ADGRB1: variants seen among roughly 807,000 people sequenced by gnomAD.
The protein encoded by ADGRB1 is brain-specific angiogenesis inhibitor 1.
A neutral mutation model predicts 175.7 loss-of-function variants in ADGRB1; 36 were observed. The ratio of observed to expected loss-of-function variants is 0.20; its 90% CI spans 0.16 to 0.27. The LOEUF (loss-of-function observed/expected upper bound fraction) is 0.27. Among genes scored for constraint, ADGRB1 ranks in the 10% least tolerant of loss-of-function variants. ADGRB1 has a pLI of 1.00. For synonymous variants in ADGRB1, 1,054 were observed against 979.4 expected, an observed-to-expected ratio of 1.08 and a Z score of -1.42; for missense variants, 1,731 against 2,255.3, an observed-to-expected ratio of 0.77 and a Z score of 4.71.
At chr8:142,476,746 G>A (rs909275560) in intron 4 of ADGRB1, 51 bp downstream of exon 4, 4 of 1,463,850 alleles carry the variant, frequency 2.7e-6, no homozygotes, top group Non-Finnish European at 3.7e-6. Context: ...GGAAAATACT[G>A]TAAGTTATCA....
At chr8:142,520,765 C>A in intron 19 of ADGRB1, 58 bp from the exon 20 acceptor site, 2 of 1,464,604 alleles carry the variant, frequency 1.4e-6, no homozygotes, top group Non-Finnish European at 1.9e-6. Context: ...AGGACCACAG[C>A]CCCTGTGCAG....
At chr8:142,544,178 C>T (rs1234625082) in intron 30 of ADGRB1, 42 bp from the exon 31 acceptor site, 3 of 1,539,552 alleles carry the variant, frequency 1.9e-6, no homozygotes, top group Non-Finnish European at 2.6e-6. Flanking sequence ...CATGGCTCTC[C>T]CTCCGGGCCC....
intron 2 of ADGRB1, among the ~76,000 whole-genome samples, chr8:142,468,274 C>T (rs1194623207): frequency 3.9e-5 from 6 of 152,070 alleles, no homozygotes; most frequent in Middle Eastern, 3.4e-3. Context: ...CATGCATGCA[C>T]GGTGTGAATG....
At chr8:142,494,573 T>A (rs1235717616) in intron 17 of ADGRB1, among the ~76,000 whole-genome samples, 1 of 152,082 alleles carries the variant, frequency 6.6e-6, no homozygotes, top group South Asian at 2.1e-4. Flanking sequence ...GCAAGTCACC[T>A]GCCTGCCTCA....
Position 142,477,131 on chromosome 8 carries a change from G to C in ADGRB1, c.1075G>C (p.Glu359Gln). The C allele has an allele frequency of 6.3e-7, 1 of 1,582,970 alleles. No homozygotes were observed. The highest frequency in any genetic ancestry group is 8.5e-7 in the Non-Finnish European group (1 of 1,170,940). The change falls in exon 5 of 31, where the codon GAG becomes CAG. Residue 359 changes from glutamate to glutamine, a missense_variant. This residue lies in a region of ADGRB1 where 178 missense variants were observed against 227.8 expected (regional missense o/e 0.78). Transcript: ENST00000517894. ...GCCTGCAGGTGACCCAGCAGCCGAG[G>C]AGTGGTCCCCGTGGAGCGTGTGCTC... ...APQTGDPAAE[E>Q]WSPWSVCSST...
At position 142,449,836 on chromosome 8, in the gene ADGRB1, GTCCGCAGCGCGGGCATCCGGACCC is replaced by G. The variant is rs889387949; in HGVS notation, c.-483_-460del. 5.5e-5 allele frequency: 8 copies of G among 146,562 alleles called. No individual in the cohort carries two copies. The highest frequency in any genetic ancestry group is 7.6e-5 in the Non-Finnish European group (5 of 65,870). 9.1% of individuals were successfully genotyped at this position (146,562 alleles called of 1,614,324 possible). ...CGGCCCGGGCCCGCGCGCCAGCATCGTCCGCAGCGCGGGCATCCGGACCCTCCGGGCGCCCGGGGGGCTCCAGCA... is the reference window on the plus strand; with the variant it reads ...CGGCCCGGGCCCGCGCGCCAGCATCGTCCGGGCGCCCGGGGGGCTCCAGCA... On this transcript the variant is annotated 5_prime_UTR_variant, in exon 1 of 31. Coordinates refer to ENST00000517894, the MANE Select transcript of ADGRB1 (RefSeq NM_001702.3).
At chr8:142,514,155 C>T (rs1843273939) in intron 18 of ADGRB1, among the ~76,000 whole-genome samples, 1 of 152,000 alleles carries the variant, frequency 6.6e-6, no homozygotes, top group African/African-American at 2.4e-5. Flanking sequence ...TCTGAGTGGG[C>T]AGAGGCTGTG....
At chr8:142,530,900 G>A (rs1012008151) in intron 24 of ADGRB1, among the ~76,000 whole-genome samples, 9 of 152,218 alleles carry the variant, frequency 5.9e-5, no homozygotes, top group Admixed American at 5.2e-4. Context: ...GGGCCTTTCT[G>A]CTTCCTTCCC....
chr8:142,533,196 G>C, intron 24 of ADGRB1, 99 bp from the exon 25 acceptor site: 2 of 1,305,680 alleles, frequency 1.5e-6, no homozygotes, highest in Non-Finnish European at 2.0e-6. Flanking sequence ...CGGGGACTTA[G>C]GGCTGGGTCC....
rs113550524 is a variant in ADGRB1, at chr8:142,543,460, C to T, written c.4449+22C>T. 17 of 1,613,418 alleles carry T rather than the reference C, an allele frequency of 1.1e-5. No homozygotes were observed. The highest frequency in any genetic ancestry group is 6.7e-5 in the East Asian group (3 of 44,872). On this transcript the variant is annotated intron_variant, in intron 29 of 30. Transcript: ENST00000517894. The surrounding 1 kb of genome is among the most constrained non-coding windows in gnomAD (Gnocchi z 4.4). Reference sequence around the variant, plus strand: ...TGAGGTGAGTTCTGGTGTCCCCCCCCACCAGACACTTAGGGCCAGATGTGC... The same window carrying T: ...TGAGGTGAGTTCTGGTGTCCCCCCCTACCAGACACTTAGGGCCAGATGTGC...
chr8:142,506,204 A>G (rs764826266), intron 17 of ADGRB1, among the ~76,000 whole-genome samples: 11 of 152,056 alleles, frequency 7.2e-5, no homozygotes, highest in Non-Finnish European at 1.3e-4. Flanking sequence ...GAGTGGGAGG[A>G]GTCCCAATGG....
rs1842016151 is a variant in ADGRB1, at chr8:142,492,256, T to C, written c.2675+1441T>C. On this transcript the variant is annotated intron_variant, in intron 17 of 30. Transcript: ENST00000517894. The surrounding 1 kb of genome is among the most constrained non-coding windows in gnomAD (Gnocchi z 4.4). ...GCCTGTTCTTTAATCCATCCGCCCA[T>C]CGCCCACTGCTCACCACCCTTCCTC... 2.6e-5 allele frequency among the ~76,000 whole-genome samples: 4 copies of C among 152,096 alleles called. No individual in the cohort carries two copies. The South Asian group carries it at 8.3e-4, about 32-fold the overall frequency.
rs528170493 is a variant in ADGRB1, at chr8:142,455,317, C to G, written c.-220+5213C>G. 4.6e-5 allele frequency among the ~76,000 whole-genome samples: 7 copies of G among 152,156 alleles called. No homozygotes were observed. Among genetic ancestry groups the G allele is most frequent in the East Asian group, 1.9e-4 (1 of 5,152 alleles). On this transcript the variant is annotated intron_variant, in intron 1 of 30. Transcript: ENST00000517894. This position sits in a 1 kb window ranked among gnomAD's most constrained non-coding sequence, Gnocchi z 4.9. ...CTCAGCATGATCGCTGTCACCTTGG[C>G]CCCCACCTTAGGCTCCTGTCCCCTT...
rs948090924 is a variant in ADGRB1 at position 142,511,550 on chromosome 8, A to C, written c.2817+477A>C. Among the ~76,000 whole-genome samples the C allele has an allele frequency of 7.9e-5, 12 of 152,066 alleles. No individual in the cohort carries two copies. Among genetic ancestry groups the C allele is most frequent in the Non-Finnish European group, 1.2e-4 (8 of 67,968 alleles). On this transcript the variant is annotated intron_variant, in intron 18 of 30. Transcript: ENST00000517894. This position sits in a 1 kb window ranked among gnomAD's most constrained non-coding sequence, Gnocchi z 4.5. Reference sequence around the variant, plus strand: ...AGTAGAGCCTGGTCCGTGGAGGAGGAGGTGGCGGTGGCCCCAGGCAGGGGC... The same window carrying C: ...AGTAGAGCCTGGTCCGTGGAGGAGGCGGTGGCGGTGGCCCCAGGCAGGGGC...
chr8:142,460,184 T>C (rs1397781344), intron 1 of ADGRB1, among the ~76,000 whole-genome samples: 2 of 152,134 alleles, frequency 1.3e-5, no homozygotes, highest in Non-Finnish European at 2.9e-5. Flanking sequence ...GGTGGCCCCG[T>C]TGGAGGGTGG....
intron 1 of ADGRB1, among the ~76,000 whole-genome samples, chr8:142,457,850 G>T (rs1045183525): frequency 1.3e-5 from 2 of 152,154 alleles, no homozygotes; most frequent in African/African-American, 4.8e-5. Context: ...CATGTCAGGG[G>T]CCCTGCCAGG....
chr8:142,454,630 C>T (rs542002973), intron 1 of ADGRB1, among the ~76,000 whole-genome samples: 2 of 152,108 alleles, frequency 1.3e-5, no homozygotes, highest in African/African-American at 4.8e-5. Context: ...GCTGGCCCTG[C>T]GTTCTGCTCT....
chr8:142,467,051 A>C (rs960444547), intron 2 of ADGRB1, among the ~76,000 whole-genome samples: 10 of 152,228 alleles, frequency 6.6e-5, no homozygotes, highest in Non-Finnish European at 1.2e-4. Flanking sequence ...CTTGTTGGAA[A>C]GAGCTGGCGG....
At chr8:142,540,727 T>TG (rs1845221042) in intron 27 of ADGRB1, among the ~76,000 whole-genome samples, 1 of 150,398 alleles carries the variant, frequency 6.6e-6, no homozygotes, top group African/African-American at 2.5e-5. Context: ...GGGGCGGCCT[T>TG]GGGGACGTGC....
Sources: allele counts gnomAD v4.1 joint callset (sites outside exome capture counted in the v4.1 genomes callset), GRCh38; gene constraint gnomAD v4.1.1; regional missense constraint gnomAD v4.1.1; non-coding constraint Gnocchi (gnomAD v3.1); transcripts MANE v1.5; gene names NCBI Gene and HGNC (gene_info 2026-07-23, HGNC 2026-07-21).